Variants in ATP9A observed in about 807,000 individuals in gnomAD.
The protein encoded by ATP9A is probable phospholipid-transporting ATPase IIA.
Under a neutral mutation model 144.1 loss-of-function variants are expected in ATP9A, and 52 were observed. The observed-to-expected ratio is 0.36, with a 90% CI of 0.29 to 0.45. The LOEUF (loss-of-function observed/expected upper bound fraction) is 0.45. Among genes scored for constraint, ATP9A ranks in the 20% least tolerant of loss-of-function variants. The pLI, the probability that ATP9A is intolerant of heterozygous loss-of-function variation, is 1.00. For missense variants in ATP9A, 947 were observed against 1,392.7 expected (o/e 0.68, Z 5.09); for synonymous variants, 582 against 557.4 (o/e 1.04, Z -0.62).
intron 14 of ATP9A, among the ~76,000 whole-genome samples, chr20:51,644,631 A>G (rs988207341): frequency 1.3e-5 from 2 of 152,304 alleles, no homozygotes; most frequent in African/African-American, 4.8e-5. Context: ...TTTTACGTTT[A>G]ACTTTAATTA....
At chr20:51,700,780 A>C (rs753043226) in intron 4 of ATP9A, among the ~76,000 whole-genome samples, 14 of 152,246 alleles carry the variant, frequency 9.2e-5, no homozygotes, top group Non-Finnish European at 1.8e-4. Context: ...CAGTGAGCCC[A>C]GTTCGCACCA....
At chr20:51,679,182 G>C (rs2122799423) in intron 9 of ATP9A, among the ~76,000 whole-genome samples, 1 of 152,240 alleles carries the variant, frequency 6.6e-6, no homozygotes, top group African/African-American at 2.4e-5. Flanking sequence ...AAATCAGCCG[G>C]GCATGGTGGC....
At position 51,768,284 on chromosome 20, in the gene ATP9A, GGGCCCA is replaced by G; in HGVS notation, c.68+12_68+17del. 1 of 1,259,236 alleles carries G rather than the reference GGGCCCA, an allele frequency of 7.9e-7. No homozygotes were observed. The highest frequency in any genetic ancestry group is 1.0e-6 in the Non-Finnish European group (1 of 994,984). 78.0% of individuals were successfully genotyped at this position (1,259,236 alleles called of 1,614,324 possible). A position where few individuals can be genotyped will look rare whatever the true frequency, so the allele number is the denominator to read the frequency against. On this transcript the variant is annotated intron_variant, in intron 1 of 27. Coordinates refer to ENST00000338821, the MANE Select transcript of ATP9A (RefSeq NM_006045.3). Reference sequence around the variant, plus strand: ...GGGAGGCGCGGACAAAGGAAAACACGGGCCCAGGCCCACTCACCCGGCGCGGGGCCT... The same window carrying G: ...GGGAGGCGCGGACAAAGGAAAACACGGGCCCACTCACCCGGCGCGGGGCCT...
intron 7 of ATP9A, among the ~76,000 whole-genome samples, chr20:51,692,122 G>A (rs756388254): frequency 6.6e-6 from 1 of 152,166 alleles, no homozygotes; most frequent in Non-Finnish European, 1.5e-5. Context: ...TGCTTAATGA[G>A]TCCAGAGTTC....
rs1397877003 is a variant in ATP9A, at chr20:51,612,250, TG to T, written c.2571+1426del. ...TTAATGGTATGGCCAGAAGGAGACG[TG>T]AGTTCCAGGATCTACTGTACCTACA... On this transcript the variant is annotated intron_variant, in intron 23 of 27. Coordinates refer to ENST00000338821, the MANE Select transcript of ATP9A (RefSeq NM_006045.3). Among the ~76,000 whole-genome samples, 15 of 152,324 alleles carry T rather than the reference TG, an allele frequency of 9.8e-5. No homozygotes were observed. The East Asian group carries it at 2.9e-3, about 29-fold the overall frequency.
chr20:51,768,187 G>A (rs900251831), intron 1 of ATP9A, 115 bp downstream of exon 1: 39 of 548,126 alleles, frequency 7.1e-5, no homozygotes, highest in Non-Finnish European at 9.6e-5. Context: ...CCCTGCCCCA[G>A]GCTCATGGCG....
chr20:51,705,654 T>C (rs2077611738), intron 4 of ATP9A, among the ~76,000 whole-genome samples: 1 of 152,188 alleles, frequency 6.6e-6, no homozygotes, highest in Non-Finnish European at 1.5e-5. Context: ...GGGAAAGCAT[T>C]CCTGGTATGA....
At position 51,629,193 on chromosome 20, in the gene ATP9A, G is replaced by C. The variant is rs2426318; in HGVS notation, c.1669-121C>G. 310,709 of 650,626 alleles carry C rather than the reference G, an allele frequency of 0.48. 76,738 individuals carry two copies. The highest frequency in any genetic ancestry group is 0.62 in the East Asian group (22,363 of 36,326). The allele number at this position is 650,626 out of a possible 1,614,324, so 40.3% of individuals were successfully genotyped here. On this transcript the variant is annotated intron_variant, in intron 15 of 27. Transcript: ENST00000338821. ...CTTAACAGACACCAATGTTTTTTCA[G>C]TTGGCTGAAGATGAAAAGCGAGAAG...
intron 13 of ATP9A, among the ~76,000 whole-genome samples, chr20:51,658,230 C>T (rs2077395207): frequency 6.6e-6 from 1 of 152,048 alleles, no homozygotes; most frequent in African/African-American, 2.4e-5. Context: ...GAGGCCAAGG[C>T]GGGTGGATCA....
intron 16 of ATP9A, 71 bp downstream of exon 16, chr20:51,628,909 T>C: frequency 3.7e-6 from 5 of 1,339,004 alleles, no homozygotes; most frequent in South Asian, 2.4e-5. Context: ...GAGACCCACC[T>C]TACCATGCAA....
chr20:51,711,453 G>C (rs2077638117), intron 4 of ATP9A, among the ~76,000 whole-genome samples: 1 of 152,116 alleles, frequency 6.6e-6, no homozygotes, highest in South Asian at 2.1e-4. Flanking sequence ...TCAGACCTTG[G>C]CTCAGGTGCT....
chr20:51,692,944 T>C (rs1310415835), intron 7 of ATP9A, among the ~76,000 whole-genome samples: 1 of 152,244 alleles, frequency 6.6e-6, no homozygotes, highest in Non-Finnish European at 1.5e-5. Context: ...GACATGGAAC[T>C]TTCCTCCTCC....
intron 13 of ATP9A, among the ~76,000 whole-genome samples, chr20:51,657,864 T>C (rs2077393757): frequency 6.6e-6 from 1 of 152,152 alleles, no homozygotes; most frequent in Non-Finnish European, 1.5e-5. Context: ...AGCTAGACTT[T>C]CGGGTGTAAT....
At chr20:51,729,755 T>G in intron 2 of ATP9A, 79 bp downstream of exon 2, 1 of 1,405,910 alleles carries the variant, frequency 7.1e-7, no homozygotes, top group East Asian at 2.6e-5. Context: ...AAAAATAACA[T>G]GACATGACAT....
At chr20:51,701,794 T>C (rs1198565967) in intron 4 of ATP9A, among the ~76,000 whole-genome samples, 1 of 152,146 alleles carries the variant, frequency 6.6e-6, no homozygotes, top group African/African-American at 2.4e-5. Flanking sequence ...TCCCAGACTC[T>C]CCCCTTCTGT....
At chr20:51,702,214 G>T (rs543850090) in intron 4 of ATP9A, among the ~76,000 whole-genome samples, 6 of 150,504 alleles carry the variant, frequency 4.0e-5, no homozygotes, top group Non-Finnish European at 8.8e-5. Flanking sequence ...CAGGAGAATC[G>T]CTTGAACCTG....
chr20:51,642,726 C>CAAAAAAAAAAAAAAA lies in ATP9A; in HGVS notation c.1507-3237_1507-3223dup, dbSNP rs778440862. On this transcript the variant is annotated intron_variant, in intron 14 of 27. Coordinates refer to ENST00000338821, the MANE Select transcript of ATP9A (RefSeq NM_006045.3). Reference sequence around the variant, plus strand: ...GGGTGACTGAGTGAGACTCTGTCTCCAAAAAAAAAAAAAAAAAAAAAAAAA... The same window carrying CAAAAAAAAAAAAAAA: ...GGGTGACTGAGTGAGACTCTGTCTCCAAAAAAAAAAAAAAAAAAAAAAAAAAAAAAAAAAAAAAAA... Among the ~76,000 whole-genome samples, 97 of 31,136 alleles carry CAAAAAAAAAAAAAAA rather than the reference C, an allele frequency of 3.1e-3. 7 individuals are homozygous for CAAAAAAAAAAAAAAA. Among genetic ancestry groups the CAAAAAAAAAAAAAAA allele is most frequent in the East Asian group, 6.9e-3 (5 of 724 alleles). The allele number at this position is 31,136 out of a possible 152,430, so 20.4% of individuals were successfully genotyped here. A position where few individuals can be genotyped will look rare whatever the true frequency, so the allele number is the denominator to read the frequency against.
At chr20:51,748,511 TCA>T (rs1989403497) in intron 1 of ATP9A, among the ~76,000 whole-genome samples, 1 of 152,198 alleles carries the variant, frequency 6.6e-6, no homozygotes, top group Non-Finnish European at 1.5e-5. Context: ...GGCAACTGAT[TCA>T]ATTTTTAAAT....
intron 14 of ATP9A, among the ~76,000 whole-genome samples, chr20:51,655,561 A>G (rs2077383502): frequency 6.6e-6 from 1 of 152,216 alleles, no homozygotes; most frequent in African/African-American, 2.4e-5. Context: ...CGGAAAATAC[A>G]AATCAAAACC....
Sources: gnomAD v4.1 joint callset for allele counts (sites outside exome capture counted in the v4.1 genomes callset) on GRCh38, gnomAD v4.1.1 for gene constraint, MANE v1.5 for transcripts, NCBI Gene and HGNC (gene_info 2026-07-23, HGNC 2026-07-21) for gene names.